Variants in AUH observed in about 807,000 individuals in gnomAD.
The protein encoded by AUH is methylglutaconyl-CoA hydratase, mitochondrial.
In AUH, 29 loss-of-function variants were observed where a neutral mutation model predicts 42.3. The ratio of observed to expected loss-of-function variants is 0.69; its 90% CI spans 0.51 to 0.93. AUH has a LOEUF of 0.93. Among genes scored for constraint, AUH ranks in the 40% least tolerant of loss-of-function variants. The probability of loss-of-function intolerance (pLI) is 0.00; values close to 1 mark genes in which losing one functional copy is unlikely to be tolerated. For missense variants in AUH, 452 were observed against 438.1 expected (o/e 1.03, Z -0.28); for synonymous variants, 174 against 166.4 (o/e 1.05, Z -0.35).
chr9:91,333,193 G>A (rs1028801352), intron 3 of AUH, among the ~76,000 whole-genome samples: 1 of 152,034 alleles, frequency 6.6e-6, no homozygotes, highest in African/African-American at 2.4e-5. Context: ...CAAGTCAGTT[G>A]GCTTAGCATT....
chr9:91,263,186 T>C (rs956784450), intron 6 of AUH, among the ~76,000 whole-genome samples: 32 of 152,244 alleles, frequency 2.1e-4, no homozygotes, highest in Non-Finnish European at 1.8e-4. Flanking sequence ...TTGGAAAGGA[T>C]TCTGAAGCCC....
intron 3 of AUH, among the ~76,000 whole-genome samples, chr9:91,351,191 G>A (rs1011430265): frequency 6.6e-6 from 1 of 152,054 alleles, no homozygotes; most frequent in Non-Finnish European, 1.5e-5. Flanking sequence ...GGCTGGTCTT[G>A]AACTCCTAGG....
At chr9:91,331,113 A>G (rs1180564320) in intron 3 of AUH, among the ~76,000 whole-genome samples, 1 of 152,164 alleles carries the variant, frequency 6.6e-6, no homozygotes, top group Non-Finnish European at 1.5e-5. Context: ...AACTCTTCAG[A>G]AGACCTGCCT....
chr9:91,247,098 CA>C (rs1828839847), intron 6 of AUH, among the ~76,000 whole-genome samples: 3 of 152,234 alleles, frequency 2.0e-5, no homozygotes, highest in South Asian at 4.1e-4. Flanking sequence ...CCCACTGCTG[CA>C]ACAGCTCAGC....
intron 3 of AUH, among the ~76,000 whole-genome samples, chr9:91,338,118 C>CA (rs1830824415): frequency 6.6e-6 from 1 of 152,146 alleles, no homozygotes; most frequent in South Asian, 2.1e-4. Flanking sequence ...ACTATTCTGC[C>CA]ACAGGATTTC....
At chr9:91,259,394 C>G (rs772871270) in intron 6 of AUH, among the ~76,000 whole-genome samples, 2 of 151,584 alleles carry the variant, frequency 1.3e-5, no homozygotes, top group Non-Finnish European at 2.9e-5. Context: ...GACCTCACCT[C>G]TGACCTACCA....
chr9:91,317,624 G>A (rs919491277), intron 4 of AUH, among the ~76,000 whole-genome samples: 2 of 151,888 alleles, frequency 1.3e-5, no homozygotes, highest in South Asian at 2.1e-4. Flanking sequence ...TTTCTTTTTC[G>A]GTCCTTATTT....
intron 6 of AUH, among the ~76,000 whole-genome samples, chr9:91,285,557 C>A (rs1372094878): frequency 1.4e-5 from 2 of 147,606 alleles, no homozygotes; most frequent in African/African-American, 5.3e-5. Flanking sequence ...TTGACTACAA[C>A]AACAGTATTA....
At chr9:91,215,773 C>T (rs540458080) in intron 9 of AUH, among the ~76,000 whole-genome samples, 10 of 152,218 alleles carry the variant, frequency 6.6e-5, no homozygotes, top group Admixed American at 5.9e-4. Flanking sequence ...CAGGACCAAT[C>T]CCACAAAAGA....
intron 3 of AUH, among the ~76,000 whole-genome samples, chr9:91,335,021 C>T (rs1219814791): frequency 6.6e-6 from 1 of 152,192 alleles, no homozygotes; most frequent in Non-Finnish European, 1.5e-5. Context: ...GACCAGGAAA[C>T]TAGTCTGTTT....
intron 6 of AUH, among the ~76,000 whole-genome samples, chr9:91,276,688 G>A (rs1334503931): frequency 6.6e-6 from 1 of 152,148 alleles, no homozygotes; most frequent in Non-Finnish European, 1.5e-5. Flanking sequence ...ATCTTTATGT[G>A]ATATGCACAG....
chr9:91,260,638 C>T (rs1829660617), intron 6 of AUH, among the ~76,000 whole-genome samples: 1 of 152,128 alleles, frequency 6.6e-6, no homozygotes, highest in Non-Finnish European at 1.5e-5. Context: ...TCATTATGTA[C>T]AATAGAAGTC....
At chr9:91,337,454 G>T (rs1264582692) in intron 3 of AUH, among the ~76,000 whole-genome samples, 1 of 152,276 alleles carries the variant, frequency 6.6e-6, no homozygotes, top group Admixed American at 6.5e-5. Context: ...AGTGGACTAT[G>T]GTTAGTTTGA....
intron 3 of AUH, among the ~76,000 whole-genome samples, chr9:91,331,299 C>T (rs934394552): frequency 7.2e-5 from 11 of 152,274 alleles, no homozygotes; most frequent in African/African-American, 2.6e-4. Flanking sequence ...GTCATAAATA[C>T]CATTCTATTT....
At chr9:91,273,843 A>G (rs185427878) in intron 6 of AUH, among the ~76,000 whole-genome samples, 3 of 152,350 alleles carry the variant, frequency 2.0e-5, no homozygotes, top group Admixed American at 2.0e-4. Flanking sequence ...TTTGACGAAC[A>G]ATTTTTGCCA....
In AUH at chr9:91,261,481, GCTTACAGTT is replaced by G. The variant is rs558427976; in HGVS notation, c.655+34531_655+34539del. On this transcript the variant is annotated intron_variant, in intron 6 of 9. Coordinates refer to ENST00000375731, the MANE Select transcript of AUH (RefSeq NM_001698.3). ...CTGTGTGAACTCTGGGAATTAGTCT[GCTTACAGTT>G]CTCTTTCTCTGGTAGTTCCTTTGTG... is the stretch of plus-strand genomic sequence containing the variant. Among the ~76,000 whole-genome samples, 75 of 152,286 alleles carry G rather than the reference GCTTACAGTT, an allele frequency of 4.9e-4. 1 individual carries two copies. In the South Asian group the frequency reaches 0.015, roughly 31 times the overall value.
At chr9:91,232,889 A>T (rs915798728) in intron 6 of AUH, among the ~76,000 whole-genome samples, 1 of 152,244 alleles carries the variant, frequency 6.6e-6, no homozygotes, top group Non-Finnish European at 1.5e-5. Flanking sequence ...AATTCTCTTA[A>T]ATTAAAGCAA....
chr9:91,230,439 C>T (rs1000822866), intron 6 of AUH, among the ~76,000 whole-genome samples: 1 of 150,944 alleles, frequency 6.6e-6, no homozygotes, highest in Non-Finnish European at 1.5e-5. Flanking sequence ...ATTGGTTATT[C>T]TAGTTATACA....
chr9:91,330,822 C>T (rs1347431608), intron 3 of AUH, among the ~76,000 whole-genome samples: 1 of 152,148 alleles, frequency 6.6e-6, no homozygotes, highest in African/African-American at 2.4e-5. Flanking sequence ...ATTCCAACTA[C>T]ATAAAGTTTG....
Sources: gnomAD v4.1 joint callset for allele counts (sites outside exome capture counted in the v4.1 genomes callset) on GRCh38, gnomAD v4.1.1 for gene constraint, MANE v1.5 for transcripts, NCBI Gene and HGNC (gene_info 2026-07-23, HGNC 2026-07-21) for gene names.